The following MYO1D variants were observed in gnomAD, a reference collection of about 807,000 sequenced individuals.
MYO1D encodes myosin ID, also known as unconventional myosin-Id.
Under a neutral mutation model 122.0 loss-of-function variants are expected in MYO1D, and 83 were observed. That is an observed-to-expected ratio of 0.68 (90% confidence interval 0.57 to 0.82). The LOEUF is 0.82. Ranked by LOEUF, MYO1D falls within the 40% of genes least tolerant of loss-of-function variation. The probability of loss-of-function intolerance (pLI) is 0.00; values close to 1 mark genes in which losing one functional copy is unlikely to be tolerated. For missense variants in MYO1D, 1,157 were observed against 1,269.5 expected (o/e 0.91, Z 1.35); for synonymous variants, 464 against 446.9 (o/e 1.04, Z -0.48).
In MYO1D at chr17:32,512,191, T is replaced by C. The variant is rs149447586; in HGVS notation, c.2865-17276A>G. On this transcript the variant is annotated intron_variant, in intron 21 of 21. Coordinates refer to ENST00000318217, the MANE Select transcript of MYO1D (RefSeq NM_015194.3). The stretch of plus-strand genomic sequence containing the variant: ...GGTGCATGCCTGTAATCCCAGCTAC[T>C]TGGGAGGCTGAGGCAGGCGAATCAC... 5.3e-4 allele frequency among the ~76,000 whole-genome samples: 81 copies of C among 151,676 alleles called. 1 individual carries two copies. The East Asian group carries it at 0.011, about 20-fold the overall frequency.
chr17:32,593,679 T>A (rs1471230721), intron 21 of MYO1D, among the ~76,000 whole-genome samples: 1 of 152,252 alleles, frequency 6.6e-6, no homozygotes, highest in Non-Finnish European at 1.5e-5. Context: ...GGCTCATGCC[T>A]GTAATCCCAG....
intron 21 of MYO1D, among the ~76,000 whole-genome samples, chr17:32,516,678 G>A (rs1469438462): frequency 6.6e-6 from 1 of 152,216 alleles, no homozygotes; most frequent in African/African-American, 2.4e-5. Flanking sequence ...CCAATAGAAG[G>A]CCAATTGCAT....
chr17:32,855,840 G>A (rs1477793395), intron 1 of MYO1D, among the ~76,000 whole-genome samples: 1 of 152,194 alleles, frequency 6.6e-6, no homozygotes, highest in Non-Finnish European at 1.5e-5. Context: ...GCACAGCACA[G>A]GGCTCTTTGG....
At chr17:32,695,443 A>G (rs2089160072) in intron 16 of MYO1D, among the ~76,000 whole-genome samples, 1 of 152,220 alleles carries the variant, frequency 6.6e-6, no homozygotes, top group South Asian at 2.1e-4. Flanking sequence ...GATTACAGCA[A>G]CAGGCTCTTA....
intron 7 of MYO1D, 69 bp downstream of exon 7, chr17:32,767,567 C>A (rs895020352): frequency 1.1e-5 from 12 of 1,106,980 alleles, no homozygotes; most frequent in African/African-American, 4.8e-5. Context: ...AGGGAAAAAA[C>A]AAAATCTTCT....
chr17:32,629,919 G>T (rs774673184), intron 20 of MYO1D, among the ~76,000 whole-genome samples: 1 of 152,130 alleles, frequency 6.6e-6, no homozygotes, highest in Admixed American at 6.5e-5. Context: ...ATACTGCTAT[G>T]CATGGATACT....
chr17:32,767,134 T>C (rs2090067086), intron 7 of MYO1D, among the ~76,000 whole-genome samples: 1 of 152,354 alleles, frequency 6.6e-6, no homozygotes, highest in South Asian at 2.1e-4. Context: ...CACACAGTTC[T>C]TCACTTCTAA....
chr17:32,636,758 T>C (rs1220372380), intron 20 of MYO1D, among the ~76,000 whole-genome samples: 1 of 152,224 alleles, frequency 6.6e-6, no homozygotes, highest in Non-Finnish European at 1.5e-5. Flanking sequence ...ATGGAGTATT[T>C]ATACCCCACA....
chr17:32,732,479 G>A (rs2089652564), intron 14 of MYO1D, among the ~76,000 whole-genome samples: 1 of 152,122 alleles, frequency 6.6e-6, no homozygotes, highest in Non-Finnish European at 1.5e-5. Flanking sequence ...CCTCTCTGCT[G>A]AGAGCTGAGC....
At chr17:32,728,055 G>T (rs1304300790) in intron 14 of MYO1D, among the ~76,000 whole-genome samples, 4 of 151,988 alleles carry the variant, frequency 2.6e-5, no homozygotes, top group Non-Finnish European at 4.4e-5. Context: ...AAAATCAAAG[G>T]TACAATAAGG....
At chr17:32,624,588 C>T (rs990005276) in intron 20 of MYO1D, among the ~76,000 whole-genome samples, 3 of 152,110 alleles carry the variant, frequency 2.0e-5, no homozygotes, top group Non-Finnish European at 4.4e-5. Context: ...AGCAGGTTAA[C>T]AGTAAAACCA....
intron 16 of MYO1D, among the ~76,000 whole-genome samples, chr17:32,687,915 G>C (rs751561956): frequency 2.0e-5 from 3 of 152,112 alleles, no homozygotes; most frequent in Non-Finnish European, 4.4e-5. Context: ...CAAGTACAAG[G>C]ATTCTGCTGC....
At chr17:32,582,472 G>C (rs1488024030) in intron 21 of MYO1D, among the ~76,000 whole-genome samples, 1 of 152,122 alleles carries the variant, frequency 6.6e-6, no homozygotes, top group Non-Finnish European at 1.5e-5. Flanking sequence ...AATTTTTCCA[G>C]GGATCTTTTT....
chr17:32,830,700 T>C (rs2090763794), intron 1 of MYO1D, among the ~76,000 whole-genome samples: 1 of 152,210 alleles, frequency 6.6e-6, no homozygotes, highest in Non-Finnish European at 1.5e-5. Flanking sequence ...TATCACTACA[T>C]GGAATAATTG....
At chr17:32,659,619 AAAG>A (rs2088531189) in intron 16 of MYO1D, among the ~76,000 whole-genome samples, 1 of 152,354 alleles carries the variant, frequency 6.6e-6, no homozygotes, top group Non-Finnish European at 1.5e-5. Context: ...ACTGTCATGA[AAAG>A]AAGAAAGCCA....
At chr17:32,743,242 T>TATGGCTTTAAATAC (rs2089792605) in intron 13 of MYO1D, among the ~76,000 whole-genome samples, 1 of 152,236 alleles carries the variant, frequency 6.6e-6, no homozygotes, top group Admixed American at 6.5e-5. Flanking sequence ...TCATCTAGTC[T>TATGGCTTTAAATAC]ATGGCTTTAA....
intron 1 of MYO1D, among the ~76,000 whole-genome samples, chr17:32,839,148 T>C (rs1488190850): frequency 6.6e-6 from 1 of 152,082 alleles, no homozygotes; most frequent in African/African-American, 2.4e-5. Context: ...GTACAGGAAA[T>C]GTCAAGAACT....
At chr17:32,644,023 G>T (rs537039803) in intron 19 of MYO1D, among the ~76,000 whole-genome samples, 6 of 152,138 alleles carry the variant, frequency 3.9e-5, no homozygotes, top group African/African-American at 1.4e-4. Context: ...GTCAAGTTTA[G>T]ATCTTTCCTG....
At chr17:32,735,932 T>C (rs2089696150) in intron 14 of MYO1D, among the ~76,000 whole-genome samples, 1 of 152,086 alleles carries the variant, frequency 6.6e-6, no homozygotes, top group Non-Finnish European at 1.5e-5. Flanking sequence ...GTGTTATTTA[T>C]GTGTGTCTCC....
Sources: allele counts gnomAD v4.1 joint callset (sites outside exome capture counted in the v4.1 genomes callset), GRCh38; gene constraint gnomAD v4.1.1; transcripts MANE v1.5; gene names NCBI Gene and HGNC (gene_info 2026-07-23, HGNC 2026-07-21).